PRR16: variants seen among roughly 807,000 people sequenced by gnomAD.
PRR16 encodes protein Largen.
In PRR16, 6 loss-of-function variants were observed where a neutral mutation model predicts 18.2. The ratio of observed to expected loss-of-function variants is 0.33; its 90% CI spans 0.18 to 0.65. PRR16 has a LOEUF of 0.65. Ranked by LOEUF, PRR16 falls within the 30% of genes least tolerant of loss-of-function variation. The pLI, the probability that PRR16 is intolerant of heterozygous loss-of-function variation, is 0.74. For synonymous variants in PRR16, 151 were observed against 147.8 expected, an observed-to-expected ratio of 1.02 and a Z score of -0.16; for missense variants, 412 against 376.6, an observed-to-expected ratio of 1.09 and a Z score of -0.78.
chr5:120,577,134 A>G (rs2112746943), intron 1 of PRR16, among the ~76,000 whole-genome samples: 1 of 152,222 alleles, frequency 6.6e-6, no homozygotes, highest in East Asian at 1.9e-4. Context: ...GTGAGTTTAT[A>G]CTAATATGAT....
At chr5:120,647,593 T>C in intron 1 of PRR16, among the ~76,000 whole-genome samples, 1 of 152,100 alleles carries the variant, frequency 6.6e-6, no homozygotes, top group East Asian at 1.9e-4. Context: ...TATGTTATAA[T>C]ATCACTATTC....
chr5:120,608,022 C>T (rs78962096), intron 1 of PRR16, among the ~76,000 whole-genome samples: 2,828 of 152,244 alleles, frequency 0.019, 33 homozygotes, highest in Middle Eastern at 0.031. Flanking sequence ...ATGCTGGAGT[C>T]ACAGGCATGC....
the PRR16 span, among the ~76,000 whole-genome samples, chr5:120,755,974 C>A: frequency 6.6e-6 from 1 of 152,072 alleles, no homozygotes; most frequent in African/African-American, 2.4e-5. Flanking sequence ...AGTGGTTTCC[C>A]ATTGGTTACT....
the PRR16 span, among the ~76,000 whole-genome samples, chr5:120,777,865 G>A: frequency 6.6e-6 from 1 of 152,072 alleles, no homozygotes; most frequent in Admixed American, 6.5e-5. Context: ...GTTCATGGAA[G>A]TAAAAGAGAA....
At chr5:120,535,522 G>C (rs891228159) in intron 1 of PRR16, among the ~76,000 whole-genome samples, 1 of 152,184 alleles carries the variant, frequency 6.6e-6, no homozygotes, top group Admixed American at 6.5e-5. Flanking sequence ...AACACTTCCT[G>C]GGTGCAGTGG....
chr5:120,577,316 A>C (rs1217652014), intron 1 of PRR16, among the ~76,000 whole-genome samples: 2 of 151,988 alleles, frequency 1.3e-5, no homozygotes, highest in African/African-American at 4.8e-5. Context: ...ATGACTTGGC[A>C]AATGTTGTAA....
rs191268727 is a variant in PRR16 at position 120,627,889 on chromosome 5, T to C, written c.160-58065T>C. On this transcript the variant is annotated intron_variant, in intron 1 of 1. Coordinates refer to ENST00000407149, the MANE Select transcript of PRR16 (RefSeq NM_001300783.2). ...AAAGCTTACAAATCCATTTTCTCTC[T>C]TCTTTCTTAGTGTTTGTCTTAAAGA... is the stretch of plus-strand genomic sequence containing the variant. Among the ~76,000 whole-genome samples, 863 of 152,262 alleles carry C rather than the reference T, an allele frequency of 5.7e-3. 3 individuals carry two copies. The highest frequency in any genetic ancestry group is 0.014 in the Middle Eastern group (4 of 294).
chr5:120,581,209 G>T (rs1429713080), intron 1 of PRR16, among the ~76,000 whole-genome samples: 1 of 152,074 alleles, frequency 6.6e-6, no homozygotes, highest in Non-Finnish European at 1.5e-5. Flanking sequence ...GCTTGTTATT[G>T]GTCTATTCAG....
intron 1 of PRR16, among the ~76,000 whole-genome samples, chr5:120,656,410 A>G (rs887382652): frequency 1.3e-5 from 2 of 149,864 alleles, no homozygotes; most frequent in Non-Finnish European, 3.0e-5. Context: ...ATAATCTATC[A>G]TGTCACATTA....
At chr5:120,696,110 C>A in the PRR16 span, among the ~76,000 whole-genome samples, 344 of 151,998 alleles carry the variant, frequency 2.3e-3, no homozygotes, top group African/African-American at 8.2e-3. Flanking sequence ...GACGTAGTGG[C>A]GAGCGCCTGT....
intron 1 of PRR16, among the ~76,000 whole-genome samples, chr5:120,504,229 C>T (rs955511136): frequency 1.3e-5 from 2 of 152,096 alleles, no homozygotes; most frequent in African/African-American, 4.8e-5. Context: ...TTCCCTCTGC[C>T]CTGACCTTGG....
At chr5:120,617,423 T>A (rs1754548895) in intron 1 of PRR16, among the ~76,000 whole-genome samples, 1 of 152,208 alleles carries the variant, frequency 6.6e-6, no homozygotes, top group South Asian at 2.1e-4. Flanking sequence ...TCAGTCTGTG[T>A]TTTATGTTTA....
chr5:120,637,493 G>A (rs1268195063), intron 1 of PRR16, among the ~76,000 whole-genome samples: 3 of 151,934 alleles, frequency 2.0e-5, no homozygotes, highest in African/African-American at 7.3e-5. Context: ...TGAAATAATG[G>A]CACTCACAGT....
the PRR16 span, among the ~76,000 whole-genome samples, chr5:120,715,870 C>A: frequency 6.6e-6 from 1 of 152,126 alleles, no homozygotes; most frequent in Admixed American, 6.6e-5. Flanking sequence ...CTCACATAGG[C>A]CTTCTCTCTA....
At chr5:120,575,699 G>A (rs1753055404) in intron 1 of PRR16, among the ~76,000 whole-genome samples, 1 of 152,116 alleles carries the variant, frequency 6.6e-6, no homozygotes, top group Non-Finnish European at 1.5e-5. Flanking sequence ...CATACGGAAT[G>A]GGGAAAAGCT....
the PRR16 span, among the ~76,000 whole-genome samples, chr5:120,754,908 A>T: frequency 6.6e-6 from 1 of 151,510 alleles, no homozygotes; most frequent in African/African-American, 2.4e-5. Flanking sequence ...TTTACTTGAT[A>T]ATGCTATAGA....
the PRR16 span, among the ~76,000 whole-genome samples, chr5:120,728,382 A>AAGAC: frequency 1.8e-3 from 267 of 151,986 alleles, 1 homozygote; most frequent in African/African-American, 6.1e-3. Context: ...ATGAGACACA[A>AAGAC]AGACAACAAA....
chr5:120,750,545 T>C, the PRR16 span, among the ~76,000 whole-genome samples: 5 of 151,790 alleles, frequency 3.3e-5, no homozygotes, highest in Non-Finnish European at 7.4e-5. Flanking sequence ...CGCATACCTG[T>C]AATCCCAGTT....
chr5:120,664,412 G>C (rs1453264056), intron 1 of PRR16, among the ~76,000 whole-genome samples: 2 of 151,414 alleles, frequency 1.3e-5, no homozygotes, highest in African/African-American at 4.9e-5. Flanking sequence ...AGCAGATCTT[G>C]TTAGATGCGA....
Sources: gnomAD v4.1 joint callset for allele counts (sites outside exome capture counted in the v4.1 genomes callset) on GRCh38, gnomAD v4.1.1 for gene constraint, MANE v1.5 for transcripts, NCBI Gene and HGNC (gene_info 2026-07-23, HGNC 2026-07-21) for gene names.